STX2: variants seen among roughly 807,000 people sequenced by gnomAD.
STX2 encodes syntaxin 2.
Under a neutral mutation model 40.6 loss-of-function variants are expected in STX2, and 27 were observed. That is an observed-to-expected ratio of 0.66 (90% CI 0.49 to 0.92). STX2 has a LOEUF of 0.92. Among genes scored for constraint, STX2 ranks in the 40% least tolerant of loss-of-function variants. The probability of loss-of-function intolerance (pLI) is 0.00; values close to 1 mark genes in which losing one functional copy is unlikely to be tolerated. For synonymous variants in STX2, 123 were observed against 119.1 expected, an observed-to-expected ratio of 1.03 and a Z score of -0.22; for missense variants, 328 against 366.1, an observed-to-expected ratio of 0.90 and a Z score of 0.85.
chr12:130,829,176 C>T lies in STX2; in HGVS notation c.31-1909G>A, dbSNP rs1294773546. Among the ~76,000 whole-genome samples the T allele has an allele frequency of 2.0e-5, 3 of 152,152 alleles. No homozygotes were observed. In the East Asian group the frequency reaches 5.8e-4, roughly 29 times the overall value. ...CAATGGTTATGGTCTCAGAGCTAAG[C>T]GGTGCCGAACCAGTAGCTGACGCCA... On this transcript the variant is annotated intron_variant, in intron 1 of 10. Coordinates refer to ENST00000392373, the MANE Select transcript of STX2 (RefSeq NM_194356.4).
chr12:130,812,507 C>G, intron 4 of STX2: 1 of 312,718 alleles, frequency 3.2e-6, no homozygotes, highest in Non-Finnish European at 6.3e-6. Context: ...TGCCATTCTG[C>G]AAAAATCAAA....
In STX2 at chr12:130,798,958, C is replaced by A. The variant is rs191315669; in HGVS notation, c.676-323G>T. 2.1e-3 allele frequency among the ~76,000 whole-genome samples: 320 copies of A among 152,286 alleles called. 1 individual carries two copies. Among genetic ancestry groups the A allele is most frequent in the Admixed American group, 4.7e-3 (72 of 15,296 alleles). On this transcript the variant is annotated intron_variant, in intron 8 of 10. Transcript: ENST00000392373. ...AGATGGGCAGGGTGAAGGGAGGCAG[C>A]CAGCTTTTGGTTGAACTAGTATTTT...
intron 3 of STX2, among the ~76,000 whole-genome samples, chr12:130,818,181 A>ATATATAT (rs1555222320): frequency 1.5e-4 from 3 of 20,174 alleles, no homozygotes; most frequent in African/African-American, 5.5e-4. Context: ...AAAAAAAAAA[A>ATATATAT]AAAAATATAT....
intron 5 of STX2, among the ~76,000 whole-genome samples, chr12:130,807,600 C>T (rs1951489385): frequency 6.6e-6 from 1 of 152,194 alleles, no homozygotes; most frequent in Non-Finnish European, 1.5e-5. Flanking sequence ...GCTTCATCGC[C>T]TCGTGCCCTC....
chr12:130,823,351 A>C (rs373457809), intron 2 of STX2, among the ~76,000 whole-genome samples: 3 of 152,230 alleles, frequency 2.0e-5, no homozygotes, highest in East Asian at 3.8e-4. Context: ...TAACCATTAC[A>C]TGTTGTGGCA....
intron 1 of STX2, among the ~76,000 whole-genome samples, chr12:130,828,593 G>A (rs1011715446): frequency 2.0e-5 from 3 of 151,774 alleles, no homozygotes; most frequent in Admixed American, 6.6e-5. Flanking sequence ...TGGGCCGGGC[G>A]CGGTGGCTCA....
intron 4 of STX2, among the ~76,000 whole-genome samples, chr12:130,811,241 C>T (rs1230180147): frequency 6.6e-6 from 1 of 151,620 alleles, no homozygotes; most frequent in Non-Finnish European, 1.5e-5. Flanking sequence ...GCCTGTAGTC[C>T]CAGCTACTCA....
chr12:130,836,548 A>G (rs903928398), intron 1 of STX2, among the ~76,000 whole-genome samples: 1 of 152,216 alleles, frequency 6.6e-6, no homozygotes, highest in Admixed American at 6.5e-5. Context: ...TGCTGGGACT[A>G]CAAGTGAAAG....
At chr12:130,807,116 G>GT in intron 5 of STX2, 26 bp from the exon 6 acceptor site, 1 of 1,604,360 alleles carries the variant, frequency 6.2e-7, no homozygotes, top group Non-Finnish European at 8.5e-7. Context: ...AACTACATTC[G>GT]TATCTGAGGG....
intron 9 of STX2, 79 bp downstream of exon 9, chr12:130,798,446 G>T: frequency 5.9e-6 from 5 of 846,488 alleles, no homozygotes; most frequent in Non-Finnish European, 8.9e-6. Context: ...TACCTTTTAG[G>T]CAGGCTTACA....
intron 1 of STX2, among the ~76,000 whole-genome samples, chr12:130,836,642 A>C (rs2136373284): frequency 1.3e-5 from 2 of 152,332 alleles, no homozygotes; most frequent in South Asian, 4.1e-4. Context: ...TTATAATTAC[A>C]TAGCACTTGC....
At chr12:130,817,294 G>C (rs950051101) in intron 3 of STX2, among the ~76,000 whole-genome samples, 1 of 152,114 alleles carries the variant, frequency 6.6e-6, no homozygotes, top group Non-Finnish European at 1.5e-5. Flanking sequence ...GGAATTCTAG[G>C]AGTTAAAACC....
At chr12:130,806,630 T>C (rs1343809721) in intron 6 of STX2, among the ~76,000 whole-genome samples, 4 of 152,036 alleles carry the variant, frequency 2.6e-5, no homozygotes, top group Non-Finnish European at 5.9e-5. Flanking sequence ...CTGCCTCTGC[T>C]CACAGACAAG....
At chr12:130,838,901 C>T (rs1436694258) in intron 1 of STX2, among the ~76,000 whole-genome samples, 169 bp downstream of exon 1, 1 of 151,358 alleles carries the variant, frequency 6.6e-6, no homozygotes, top group Non-Finnish European at 1.5e-5. Context: ...CACCAGCAGT[C>T]CCCGCTCAGG....
chr12:130,792,596 T>A (rs1024783813), intron 10 of STX2, among the ~76,000 whole-genome samples: 1 of 152,128 alleles, frequency 6.6e-6, no homozygotes, highest in Admixed American at 6.5e-5. Context: ...CCCAAGGAGC[T>A]AGGATGACAG....
intron 1 of STX2, among the ~76,000 whole-genome samples, chr12:130,836,485 G>A (rs1241739468): frequency 1.3e-5 from 2 of 152,146 alleles, no homozygotes; most frequent in Admixed American, 6.6e-5. Context: ...TGTTGCCCAG[G>A]CTGGTCTTGA....
chr12:130,821,819 G>A (rs1378664329), intron 2 of STX2, 31 bp from the exon 3 acceptor site: 11 of 1,450,040 alleles, frequency 7.6e-6, no homozygotes, highest in Non-Finnish European at 9.6e-6. Flanking sequence ...TTACAGCATG[G>A]CAAACTCAAA....
chr12:130,827,104 G>A, intron 2 of STX2, 89 bp downstream of exon 2: 1 of 577,506 alleles, frequency 1.7e-6, no homozygotes, highest in Non-Finnish European at 3.1e-6. Context: ...GGAGGAAAGG[G>A]AGAGGGAGGG....
At chr12:130,815,566 A>G (rs1160506013) in intron 3 of STX2, among the ~76,000 whole-genome samples, 2 of 152,220 alleles carry the variant, frequency 1.3e-5, no homozygotes, top group Non-Finnish European at 2.9e-5. Context: ...CATCGTTTCA[A>G]TATCCAGTGG....
Sources: allele counts gnomAD v4.1 joint callset (sites outside exome capture counted in the v4.1 genomes callset), GRCh38; gene constraint gnomAD v4.1.1; transcripts MANE v1.5; gene names NCBI Gene and HGNC (gene_info 2026-07-23, HGNC 2026-07-21).